Variants in EIF2AK3 observed in about 807,000 individuals in gnomAD.
EIF2AK3 encodes the protein eukaryotic translation initiation factor 2-alpha kinase 3.
A neutral mutation model predicts 113.5 loss-of-function variants in EIF2AK3; 50 were observed. That is an observed-to-expected ratio of 0.44 (90% CI 0.35 to 0.56). The LOEUF is 0.56. Among genes scored for constraint, EIF2AK3 ranks in the 20% least tolerant of loss-of-function variants. The pLI, the probability that EIF2AK3 is intolerant of heterozygous loss-of-function variation, is 0.00. For synonymous variants in EIF2AK3, 448 were observed against 495.4 expected, an observed-to-expected ratio of 0.90 and a Z score of 1.27; for missense variants, 1,185 against 1,378.0, an observed-to-expected ratio of 0.86 and a Z score of 2.22.
chr2:88,626,971 C>G lies in EIF2AK3; in HGVS notation c.304G>C (p.Gly102Arg). The change falls in exon 1 of 17, where the codon GGC becomes CGC. Residue 102 changes from glycine to arginine, a missense_variant. Around this residue, in one of 3 missense-constraint regions of EIF2AK3, gnomAD observed 189 missense variants for 175.2 expected, o/e 1.08. Transcript: ENST00000303236. Reference sequence around the variant, plus strand: ...CCCGGGTCGGCAGCCCCTCACCTGCCGCGCGGTCGCAACTCTGTCTCATCG... The same window carrying G: ...CCCGGGTCGGCAGCCCCTCACCTGCGGCGCGGTCGCAACTCTGTCTCATCG... ...PDDETELRPR[G>R]RSLVIISTLD... 1 of 1,608,694 alleles carries G rather than the reference C, an allele frequency of 6.2e-7. No individual in the cohort carries two copies. Among genetic ancestry groups the G allele is most frequent in the Non-Finnish European group, 8.5e-7 (1 of 1,178,622 alleles).
chr2:88,587,065 C>T (rs1160519624), intron 8 of EIF2AK3, among the ~76,000 whole-genome samples: 5 of 151,110 alleles, frequency 3.3e-5, no homozygotes, highest in Non-Finnish European at 5.9e-5. Flanking sequence ...ATTAGCTGGG[C>T]GTGGTGGCGT....
chr2:88,583,308 T>C lies in EIF2AK3; in HGVS notation c.1763+122A>G, dbSNP rs1171262507. 7 of 702,532 alleles carry C rather than the reference T, an allele frequency of 1.0e-5. No individual in the cohort carries two copies. The East Asian group carries it at 1.8e-4, about 18-fold the overall frequency. The allele number at this position is 702,532 out of a possible 1,614,324, so 43.5% of individuals were successfully genotyped here. On this transcript the variant is annotated intron_variant, in intron 10 of 16. Coordinates refer to ENST00000303236, the MANE Select transcript of EIF2AK3 (RefSeq NM_004836.7). Reference sequence around the variant, plus strand: ...CATTTAAGTTACCTGAATTTATTTATTTATTGAGGGTTAAGCCTATGTTTT... The same window carrying C: ...CATTTAAGTTACCTGAATTTATTTACTTATTGAGGGTTAAGCCTATGTTTT...
chr2:88,619,252 A>T (rs1675660460), intron 1 of EIF2AK3, among the ~76,000 whole-genome samples: 1 of 151,928 alleles, frequency 6.6e-6, no homozygotes, highest in Admixed American at 6.6e-5. Flanking sequence ...CAGCCTCCTA[A>T]AGTGCTGGGA....
At chr2:88,560,589 ACTTT>A in intron 15 of EIF2AK3, among the ~76,000 whole-genome samples, 1 of 152,050 alleles carries the variant, frequency 6.6e-6, no homozygotes, top group East Asian at 1.9e-4. Flanking sequence ...TTGTCTTTTC[ACTTT>A]CTTGACAGTA....
chr2:88,563,306 C>T (rs890702036), intron 14 of EIF2AK3, among the ~76,000 whole-genome samples: 5 of 152,292 alleles, frequency 3.3e-5, no homozygotes, highest in East Asian at 1.9e-4. Context: ...TGGCCTTCTG[C>T]GCAGCCTGCC....
chr2:88,575,811 T>C (rs2104412903), intron 12 of EIF2AK3, among the ~76,000 whole-genome samples: 1 of 152,302 alleles, frequency 6.6e-6, no homozygotes, highest in East Asian at 1.9e-4. Flanking sequence ...CCACTTCACT[T>C]GGTCCTTCTA....
chr2:88,587,754 TAAAG>T (rs931161891), intron 8 of EIF2AK3, among the ~76,000 whole-genome samples: 2 of 152,138 alleles, frequency 1.3e-5, no homozygotes, highest in Non-Finnish European at 2.9e-5. Flanking sequence ...ATTTTACAGA[TAAAG>T]AAATTGAGAC....
intron 11 of EIF2AK3, among the ~76,000 whole-genome samples, chr2:88,577,950 T>C (rs150101774): frequency 5.8e-4 from 89 of 152,318 alleles, no homozygotes; most frequent in Non-Finnish European, 9.8e-4. Flanking sequence ...GAGAAGCTAT[T>C]AATATTTACT....
chr2:88,605,389 C>G (rs1675246657), intron 2 of EIF2AK3, among the ~76,000 whole-genome samples: 1 of 152,144 alleles, frequency 6.6e-6, no homozygotes, highest in Admixed American at 6.5e-5. Context: ...AAGGCGGGAG[C>G]AGACAGAAAG....
Position 88,590,611 on chromosome 2 carries a change from C to T in EIF2AK3, c.1003-6G>A. ...GATGCAATTGGAGTACAAAACTAAA[C>T]AAAAATGGAAAAAAGGTCTTAAATA... On this transcript the variant is annotated splice_region_variant and splice_polypyrimidine_tract_variant and intron_variant, in intron 5 of 16. Transcript: ENST00000303236. 6 of 1,611,592 alleles carry T rather than the reference C, an allele frequency of 3.7e-6. No homozygotes were observed. The highest frequency in any genetic ancestry group is 4.2e-6 in the Non-Finnish European group (5 of 1,179,502).
chr2:88,591,252 A>C (rs772272743), intron 4 of EIF2AK3, among the ~76,000 whole-genome samples, 200 bp from the exon 5 acceptor site: 1 of 152,186 alleles, frequency 6.6e-6, no homozygotes, highest in Non-Finnish European at 1.5e-5. Context: ...CTTCAGACAC[A>C]ATGGTTTTGA....
intron 8 of EIF2AK3, 38 bp downstream of exon 8, chr2:88,587,943 TA>T (rs1573403450): frequency 7.3e-7 from 1 of 1,373,084 alleles, no homozygotes; most frequent in South Asian, 1.3e-5. Flanking sequence ...AATTTCAAAT[TA>T]AAAAATAAAA....
chr2:88,582,408 A>C (rs1336331248), intron 10 of EIF2AK3, among the ~76,000 whole-genome samples: 2 of 152,190 alleles, frequency 1.3e-5, no homozygotes, highest in African/African-American at 4.8e-5. Context: ...CAGACCCTTC[A>C]GGACTGTGGA....
In EIF2AK3 at chr2:88,586,008, G is replaced by T. The variant is rs765173142; in HGVS notation, c.1483C>A (p.Gln495Lys). The change falls in exon 9 of 17, where the codon CAG (glutamine) becomes AAG (lysine). Residue 495 changes from glutamine (Q) to lysine (K), a missense_variant. Transcript: ENST00000303236. ...TTGTCGAGGAATCTGACTGTAATCT[G>T]TGTGCTTCGTTTGTTCCTCTCCCTC... ...YKRERNKRST[Q>K]ITVRFLDNPH... is the part of the protein sequence containing the mutation. 6.8e-6 allele frequency: 11 copies of T among 1,613,984 alleles called. No individual in the cohort carries two copies. The highest frequency in any genetic ancestry group is 2.2e-5 in the East Asian group (1 of 44,890).
At chr2:88,608,647 A>G (rs1675347638) in intron 2 of EIF2AK3, among the ~76,000 whole-genome samples, 1 of 147,796 alleles carries the variant, frequency 6.8e-6, no homozygotes, top group South Asian at 2.2e-4. Flanking sequence ...TTTTGAAGGT[A>G]GTATTACTCT....
At chr2:88,560,168 G>A (rs1399219108) in intron 15 of EIF2AK3, among the ~76,000 whole-genome samples, 9 of 151,964 alleles carry the variant, frequency 5.9e-5, no homozygotes, top group Non-Finnish European at 1.3e-4. Flanking sequence ...GTGCTGAAGT[G>A]GTATCTCATT....
At chr2:88,580,484 ACTTAAT>A (rs1674571473) in intron 10 of EIF2AK3, among the ~76,000 whole-genome samples, 1 of 152,140 alleles carries the variant, frequency 6.6e-6, no homozygotes, top group Non-Finnish European at 1.5e-5. Flanking sequence ...AAGTATTTAA[ACTTAAT>A]CTTAATTTTT....
Position 88,570,935 on chromosome 2 carries a change from A to T in EIF2AK3, c.2924T>A (p.Met975Lys), listed in dbSNP as rs1558646340. The T allele has an allele frequency of 6.2e-7, 1 of 1,613,992 alleles. No individual in the cohort carries two copies. Among genetic ancestry groups the T allele is most frequent in the Non-Finnish European group, 8.5e-7 (1 of 1,180,016 alleles). The change falls in exon 14 of 17, where the codon ATG becomes AAG. Residue 975 changes from methionine to lysine, a missense_variant. By Grantham distance (95) the Met-to-Lys change is moderately conservative. Around this residue, in one of 3 missense-constraint regions of EIF2AK3, gnomAD observed 877 missense variants for 1,024.2 expected, o/e 0.86. Coordinates refer to ENST00000303236, the MANE Select transcript of EIF2AK3 (RefSeq NM_004836.7). ...TCCTGTGTGTCTGGCATAAGCTGGC[A>T]TTGGGGTCAGAACCGTCTGCTCTTC... ...DEEEQTVLTP[M>K]PAYARHTGQV...
In EIF2AK3 at chr2:88,613,783, GCT is replaced by G; in HGVS notation, c.377_378del (p.Lys126ThrfsTer17). ...CCGGATCCCACATCCAAATCCCACT[GCT>G]TTTTACCATGATTTTCAGGATCCAA... ...AALDPENHGK[K>X]QWDLDVGSGS... On this transcript the variant is annotated frameshift_variant, in exon 2 of 17. Coordinates refer to ENST00000303236, the MANE Select transcript of EIF2AK3 (RefSeq NM_004836.7). LOFTEE classifies it high-confidence loss of function. 6.2e-7 allele frequency: 1 copy of G among 1,613,988 alleles called. No individual in the cohort carries two copies. Among genetic ancestry groups the G allele is most frequent in the Non-Finnish European group, 8.5e-7 (1 of 1,179,906 alleles).
Sources: gnomAD v4.1 joint callset for allele counts (sites outside exome capture counted in the v4.1 genomes callset) on GRCh38, gnomAD v4.1.1 for gene constraint, gnomAD v4.1.1 regional missense constraint, MANE v1.5 for transcripts, NCBI Gene and HGNC (gene_info 2026-07-23, HGNC 2026-07-21) for gene names.